The following EXOC4 variants were observed in gnomAD, a reference collection of about 807,000 sequenced individuals.
EXOC4 encodes exocyst complex component 4.
A neutral mutation model predicts 107.2 loss-of-function variants in EXOC4; 71 were observed. The observed-to-expected ratio is 0.66, with a 90% confidence interval of 0.55 to 0.81. EXOC4 has a LOEUF of 0.81. Among genes scored for constraint, EXOC4 ranks in the 30% least tolerant of loss-of-function variants. The probability of loss-of-function intolerance (pLI) is 0.00; values close to 1 mark genes in which losing one functional copy is unlikely to be tolerated. For synonymous variants in EXOC4, 456 were observed against 441.2 expected (o/e 1.03, Z -0.42); for missense variants, 1,108 against 1,189.6 (o/e 0.93, Z 1.01).
intron 11 of EXOC4, among the ~76,000 whole-genome samples, chr7:133,831,352 G>A (rs1446605450): frequency 6.6e-6 from 1 of 152,148 alleles, no homozygotes; most frequent in Non-Finnish European, 1.5e-5. Flanking sequence ...CAGTATAAAT[G>A]ATTTAGAATG....
intron 1 of EXOC4, 29 bp downstream of exon 1, chr7:133,253,216 G>T (rs746873862): frequency 1.2e-6 from 2 of 1,608,010 alleles, no homozygotes; most frequent in East Asian, 2.2e-5. Flanking sequence ...AGGGTCTGGG[G>T]ACTGGGGGCA....
At chr7:134,041,492 A>G (rs538984321) in intron 17 of EXOC4, among the ~76,000 whole-genome samples, 140 of 152,326 alleles carry the variant, frequency 9.2e-4, no homozygotes, top group Admixed American at 1.8e-3. Flanking sequence ...CTCAAAATCA[A>G]TTTGAATACA....
At chr7:133,488,941 C>G (rs1799320041) in intron 9 of EXOC4, among the ~76,000 whole-genome samples, 1 of 148,814 alleles carries the variant, frequency 6.7e-6, no homozygotes, top group African/African-American at 2.4e-5. Flanking sequence ...TATATAAAAT[C>G]TCTATATAAA....
chr7:133,971,355 T>TAGAG (rs1237508440), intron 14 of EXOC4, among the ~76,000 whole-genome samples: 2 of 101,724 alleles, frequency 2.0e-5, no homozygotes, highest in Non-Finnish European at 3.8e-5. Context: ...TATATATATA[T>TAGAG]ATATATAGAG....
At chr7:133,993,972 T>G (rs1274358328) in intron 14 of EXOC4, among the ~76,000 whole-genome samples, 4 of 151,954 alleles carry the variant, frequency 2.6e-5, no homozygotes, top group African/African-American at 9.7e-5. Context: ...TGTAATGGAG[T>G]GAGCAAGGGA....
intron 9 of EXOC4, among the ~76,000 whole-genome samples, chr7:133,527,969 A>G (rs568518956): frequency 1.3e-5 from 2 of 152,302 alleles, no homozygotes; most frequent in South Asian, 4.1e-4. Context: ...TTGCATCAGA[A>G]TCACCTGTAA....
intron 10 of EXOC4, among the ~76,000 whole-genome samples, chr7:133,742,011 C>T (rs1358798809): frequency 6.6e-6 from 1 of 152,164 alleles, no homozygotes; most frequent in Non-Finnish European, 1.5e-5. Context: ...ATAGAATTGT[C>T]ACGTTGTAGT....
At chr7:133,904,026 G>A (rs1799513502) in intron 12 of EXOC4, among the ~76,000 whole-genome samples, 1 of 152,138 alleles carries the variant, frequency 6.6e-6, no homozygotes, top group African/African-American at 2.4e-5. Context: ...GATGGGTGTG[G>A]CCTTAAAAAA....
chr7:133,253,385 G>T (rs1247242003), intron 1 of EXOC4, 198 bp downstream of exon 1: 1 of 1,355,358 alleles, frequency 7.4e-7, no homozygotes, highest in African/African-American at 1.5e-5. Context: ...GTTAGCTATA[G>T]AGAGAGGAGC....
intron 14 of EXOC4, among the ~76,000 whole-genome samples, chr7:133,961,066 G>C (rs1800931945): frequency 6.6e-6 from 1 of 152,112 alleles, no homozygotes; most frequent in African/African-American, 2.4e-5. Flanking sequence ...GGGTTATGCA[G>C]GTGAGCCCAG....
chr7:133,885,475 C>T (rs1024247643), intron 11 of EXOC4, among the ~76,000 whole-genome samples: 24 of 152,106 alleles, frequency 1.6e-4, no homozygotes. Context: ...ATTTATTGAG[C>T]ACCTGCAATA....
intron 5 of EXOC4, among the ~76,000 whole-genome samples, chr7:133,349,572 T>G (rs1006661750): frequency 2.0e-5 from 3 of 152,206 alleles, no homozygotes; most frequent in South Asian, 2.1e-4. Context: ...GATGGACTCT[T>G]GAGTTGCTTC....
At chr7:133,593,620 T>G (rs1585019705) in intron 9 of EXOC4, among the ~76,000 whole-genome samples, 1 of 152,304 alleles carries the variant, frequency 6.6e-6, no homozygotes, top group Non-Finnish European at 1.5e-5. Context: ...ATTATAGAAC[T>G]CTCTCCTGAT....
chr7:133,506,373 T>C (rs11975951), intron 9 of EXOC4, among the ~76,000 whole-genome samples: 116,512 of 151,994 alleles, frequency 0.77, 45,428 homozygotes, highest in East Asian at 0.95. Context: ...TTTAAAACTG[T>C]GTATGTTCCC....
At chr7:133,474,110 C>A (rs563528405) in intron 7 of EXOC4, among the ~76,000 whole-genome samples, 2 of 152,214 alleles carry the variant, frequency 1.3e-5, no homozygotes, top group African/African-American at 4.8e-5. Context: ...TTACTGCTGG[C>A]ATTTTGTTAC....
At chr7:133,257,468 C>G (rs1795046206) in intron 1 of EXOC4, among the ~76,000 whole-genome samples, 1 of 152,156 alleles carries the variant, frequency 6.6e-6, no homozygotes, top group East Asian at 1.9e-4. Flanking sequence ...GAGGCAGCCT[C>G]TCTAGATGGG....
At chr7:133,675,119 T>G (rs1794026662) in intron 10 of EXOC4, among the ~76,000 whole-genome samples, 1 of 152,188 alleles carries the variant, frequency 6.6e-6, no homozygotes, top group Admixed American at 6.5e-5. Context: ...TCCATTTTCT[T>G]CACCCATGGA....
intron 9 of EXOC4, among the ~76,000 whole-genome samples, chr7:133,580,581 TGTAAA>T (rs1189979781): frequency 2.6e-5 from 4 of 152,262 alleles, no homozygotes; most frequent in Non-Finnish European, 5.9e-5. Flanking sequence ...TTCAGAGAGG[TGTAAA>T]GTAAACTTGA....
intron 7 of EXOC4, among the ~76,000 whole-genome samples, chr7:133,452,097 TTGATAA>T (rs1288985025): frequency 6.6e-6 from 1 of 152,166 alleles, no homozygotes; most frequent in Non-Finnish European, 1.5e-5. Flanking sequence ...AGCTGAGGCT[TTGATAA>T]TTAGCCTGAT....
Sources: allele counts gnomAD v4.1 joint callset (sites outside exome capture counted in the v4.1 genomes callset), GRCh38; gene constraint gnomAD v4.1.1; transcripts MANE v1.5; gene names NCBI Gene and HGNC (gene_info 2026-07-23, HGNC 2026-07-21).